The following SRSF4 variants were observed in gnomAD, a reference collection of about 807,000 sequenced individuals.
The protein encoded by SRSF4 is serine/arginine-rich splicing factor 4.
SRSF4 carries 12 observed loss-of-function variants against 48.8 expected under a neutral mutation model. The ratio of observed to expected loss-of-function variants is 0.25; its 90% CI spans 0.16 to 0.40. SRSF4 has a LOEUF of 0.40. Ranked by LOEUF, SRSF4 falls within the 10% of genes least tolerant of loss-of-function variation. SRSF4 has a pLI of 1.00. For synonymous variants in SRSF4, 248 were observed against 232.5 expected, an observed-to-expected ratio of 1.07 and a Z score of -0.61; for missense variants, 466 against 667.1, an observed-to-expected ratio of 0.70 and a Z score of 3.32.
Position 29,148,489 on chromosome 1 carries a change from C to A in SRSF4, c.1406G>T (p.Arg469Leu), listed in dbSNP as rs773646164. The stretch of plus-strand genomic sequence containing the variant: ...CCTGGATCTAGACTTGGACCGAGAT[C>A]GGGTTTTTGAAGCTGACTTTGATCT... ...RSRSKSASKTRSRSKSRSRSA... is the reference protein window; with the variant it reads ...RSRSKSASKTLSRSKSRSRSA... Residue 469 changes from arginine to leucine, a missense_variant, in exon 6 of 6, where the codon CGA becomes CTA. This residue lies in a region of SRSF4 where 402 missense variants were observed against 437.0 expected (regional missense o/e 0.92). Coordinates refer to ENST00000373795, the MANE Select transcript of SRSF4 (RefSeq NM_005626.5). 1.9e-6 allele frequency: 3 copies of A among 1,613,898 alleles called. No homozygotes were observed. Among genetic ancestry groups the A allele is most frequent in the Admixed American group, 1.7e-5 (1 of 59,982 alleles).
At chr1:29,180,158 T>C (rs1414481358) in intron 1 of SRSF4, among the ~76,000 whole-genome samples, 1 of 152,250 alleles carries the variant, frequency 6.6e-6, no homozygotes, top group Non-Finnish European at 1.5e-5. Context: ...TAGTAAGTGG[T>C]GGAACCAGGA....
chr1:29,176,034 T>C (rs1672844077), intron 1 of SRSF4, among the ~76,000 whole-genome samples: 1 of 151,936 alleles, frequency 6.6e-6, no homozygotes, highest in African/African-American at 2.4e-5. Flanking sequence ...AGGTGGATCA[T>C]GAGGTCAGGA....
At chr1:29,178,039 A>G (rs889834506) in intron 1 of SRSF4, among the ~76,000 whole-genome samples, 26 of 151,266 alleles carry the variant, frequency 1.7e-4, no homozygotes, top group African/African-American at 5.1e-4. Context: ...AGCTGGGATT[A>G]CAGGTGCCCA....
At chr1:29,172,114 G>T (rs1193723692) in intron 1 of SRSF4, 10 of 151,904 alleles carry the variant, frequency 6.6e-5, no homozygotes, top group Non-Finnish European at 1.5e-5. Context: ...CACTTTTTTG[G>T]GGGGTAAGTT....
chr1:29,150,617 G>A (rs1029847453), intron 4 of SRSF4, among the ~76,000 whole-genome samples: 1 of 152,018 alleles, frequency 6.6e-6, no homozygotes, highest in African/African-American at 2.4e-5. Flanking sequence ...CTCTCTCTTG[G>A]GTTCTAGGTC....
chr1:29,171,123 C>T (rs949514830), intron 1 of SRSF4: 1 of 152,142 alleles, frequency 6.6e-6, no homozygotes, highest in African/African-American at 2.4e-5. Flanking sequence ...TGTACAAATC[C>T]TTCCTCAGCC....
chr1:29,173,392 C>T (rs1574201425), intron 1 of SRSF4: 1 of 151,466 alleles, frequency 6.6e-6, no homozygotes, highest in East Asian at 1.9e-4. Context: ...GATCCGCCCG[C>T]CTCGGCCTCC....
chr1:29,158,012 A>C lies in SRSF4; in HGVS notation c.363+1362T>G, dbSNP rs1672527559. 2.6e-5 allele frequency among the ~76,000 whole-genome samples: 4 copies of C among 152,238 alleles called. No homozygotes were observed. In the South Asian group the frequency reaches 8.3e-4, roughly 32 times the overall value. On this transcript the variant is annotated intron_variant, in intron 3 of 5. Transcript: ENST00000373795. Reference sequence around the variant, plus strand: ...ACATGGTGAAACCCCGCCTCTACTAAAATACAAAAATTGGCCGGGCATGGT... The same window carrying C: ...ACATGGTGAAACCCCGCCTCTACTACAATACAAAAATTGGCCGGGCATGGT...
chr1:29,153,381 CAG>C, intron 4 of SRSF4, among the ~76,000 whole-genome samples: 1 of 152,088 alleles, frequency 6.6e-6, no homozygotes, highest in Non-Finnish European at 1.5e-5. Context: ...CTCCTGACCT[CAG>C]GTGATCCACT....
intron 1 of SRSF4, among the ~76,000 whole-genome samples, chr1:29,177,985 C>A (rs1327307790): frequency 6.7e-6 from 1 of 150,126 alleles, no homozygotes; most frequent in Non-Finnish European, 1.5e-5. Flanking sequence ...CTGCAACCTC[C>A]ACCTCCCAGG....
chr1:29,148,981 T>G lies in SRSF4; in HGVS notation c.914A>C (p.Gln305Pro), dbSNP rs1401519564. 6.2e-7 allele frequency: 1 copy of G among 1,613,138 alleles called. No individual in the cohort carries two copies. The highest frequency in any genetic ancestry group is 1.3e-5 in the African/African-American group (1 of 74,602). ...KSKSKSRSRS[Q>P]ERRVEEEKRG... ...CTTCTCCTCCTCCACTCTCCTCTCC[T>G]GACTCCTGCTCCGACTTTTGCTCTT... The change falls in exon 6 of 6, where the codon CAG becomes CCG. Residue 305 changes from glutamine (Q) to proline (P), a missense_variant. Gln to Pro is a moderately conservative substitution (Grantham distance 76). Around this residue, in one of 2 missense-constraint regions of SRSF4, gnomAD observed 402 missense variants for 437.0 expected, o/e 0.92. Coordinates refer to ENST00000373795, the MANE Select transcript of SRSF4 (RefSeq NM_005626.5).
chr1:29,165,301 T>C (rs1027614201), intron 1 of SRSF4, among the ~76,000 whole-genome samples: 1 of 152,198 alleles, frequency 6.6e-6, no homozygotes, highest in Non-Finnish European at 1.5e-5. Context: ...CCATTGCCAA[T>C]GCGCTCATCT....
chr1:29,181,723 G>T lies in SRSF4; in HGVS notation c.30C>A (p.Ser10Arg). ...CCACATCGCGCTCCCGGGCCTGGTA[G>T]CTCAGGCGGCCGATGTACACCCGCG... MPRVYIGRL[S>R]YQARERDVER... The change falls in exon 1 of 6, where the codon AGC (serine) becomes AGA (arginine). Residue 10 changes from serine (S) to arginine (R), a missense_variant. Coordinates refer to ENST00000373795, the MANE Select transcript of SRSF4 (RefSeq NM_005626.5). The T allele has an allele frequency of 6.3e-7, 1 of 1,593,752 alleles. No homozygotes were observed.
rs1283763120 is a variant in SRSF4, at chr1:29,148,132, G to T, written c.*278C>A. ...GTCCAGGTTACTGAGCTCCCTGTAG[G>T]AAAGGCCAGGCCTGAAAGCCAAGGC... On this transcript the variant is annotated 3_prime_UTR_variant, in exon 6 of 6. Transcript: ENST00000373795. 1.7e-6 allele frequency: 1 copy of T among 584,764 alleles called. No individual in the cohort carries two copies. Among genetic ancestry groups the T allele is most frequent in the South Asian group, 1.5e-5 (1 of 65,696 alleles). 36.2% of individuals were successfully genotyped at this position (584,764 alleles called of 1,614,324 possible).
intron 1 of SRSF4, among the ~76,000 whole-genome samples, chr1:29,174,185 C>T (rs1672797726): frequency 7.7e-6 from 1 of 130,166 alleles, no homozygotes; most frequent in Non-Finnish European, 1.6e-5. Flanking sequence ...CAGATTGAGA[C>T]CCCATCTCAA....
chr1:29,157,880 A>G (rs565560354), intron 3 of SRSF4, among the ~76,000 whole-genome samples: 1 of 152,334 alleles, frequency 6.6e-6, no homozygotes, highest in South Asian at 2.1e-4. Context: ...ACTGTTGTCA[A>G]TAAGTGGGGC....
chr1:29,160,259 T>C, intron 2 of SRSF4, 116 bp downstream of exon 2: 1 of 1,231,002 alleles, frequency 8.1e-7, no homozygotes, highest in Admixed American at 3.0e-5. Flanking sequence ...AGATACATAA[T>C]TTACAAAATA....
intron 1 of SRSF4, among the ~76,000 whole-genome samples, chr1:29,180,899 T>C (rs1672945029): frequency 6.6e-6 from 1 of 152,230 alleles, no homozygotes; most frequent in Admixed American, 6.5e-5. Flanking sequence ...CAGACGCAGA[T>C]ACTAGCCAGG....
At chr1:29,172,496 T>C (rs1041317153) in intron 1 of SRSF4, 2 of 152,160 alleles carry the variant, frequency 1.3e-5, no homozygotes, top group African/African-American at 4.8e-5. Context: ...CTCATCATGT[T>C]GGTCAGGCTG....
Sources: allele counts gnomAD v4.1 joint callset (sites outside exome capture counted in the v4.1 genomes callset), GRCh38; gene constraint gnomAD v4.1.1; regional missense constraint gnomAD v4.1.1; transcripts MANE v1.5; gene names NCBI Gene and HGNC (gene_info 2026-07-23, HGNC 2026-07-21).